Variants in TANC1 observed in about 807,000 individuals in gnomAD.
TANC1 encodes tetratricopeptide repeat, ankyrin repeat and coiled-coil containing 1.
TANC1 carries 77 observed loss-of-function variants against 149.7 expected under a neutral mutation model. The ratio of observed to expected loss-of-function variants is 0.51; its 90% CI spans 0.43 to 0.62. The LOEUF (loss-of-function observed/expected upper bound fraction) is 0.62. Among genes scored for constraint, TANC1 ranks in the 20% least tolerant of loss-of-function variants. TANC1 has a pLI of 0.00. For missense variants in TANC1, 1,985 were observed against 2,321.8 expected (o/e 0.85, Z 2.98); for synonymous variants, 854 against 925.0 (o/e 0.92, Z 1.39).
chr2:159,221,825 C>G (rs962042696), intron 22 of TANC1, among the ~76,000 whole-genome samples: 5 of 152,156 alleles, frequency 3.3e-5, no homozygotes, highest in Non-Finnish European at 7.4e-5. Context: ...GGAATAAAAC[C>G]TTGATAAACT....
At chr2:159,217,193 C>G (rs1332719835) in intron 19 of TANC1, among the ~76,000 whole-genome samples, 1 of 152,172 alleles carries the variant, frequency 6.6e-6, no homozygotes, top group Non-Finnish European at 1.5e-5. Flanking sequence ...GGCCTCAGTT[C>G]TTCTCTCTGT....
rs1574679612 is a variant in TANC1, at chr2:159,103,209, T to C, written c.259+5375T>C. Among the ~76,000 whole-genome samples the C allele has an allele frequency of 3.1e-5, 3 of 95,838 alleles. 1 individual carries two copies. The highest frequency in any genetic ancestry group is 2.3e-4 in the East Asian group (1 of 4,278). The allele number at this position is 95,838 out of a possible 152,430, so 62.9% of individuals were successfully genotyped here. The stretch of plus-strand genomic sequence containing the variant: ...TTTAGAACTTCCAACAGGAATACTT[T>C]TGTCCAGTGATATTTACAAACATCT... On this transcript the variant is annotated intron_variant, in intron 4 of 26. Transcript: ENST00000263635.
intron 2 of TANC1, among the ~76,000 whole-genome samples, chr2:159,025,197 C>CTTTCT (rs1473780062): frequency 7.9e-6 from 1 of 126,050 alleles, no homozygotes; most frequent in East Asian, 2.1e-4. Flanking sequence ...TCTTTTCTTT[C>CTTTCT]TTTCTTTCTT....
At chr2:159,140,815 C>T (rs1056844313) in intron 5 of TANC1, among the ~76,000 whole-genome samples, 3 of 151,650 alleles carry the variant, frequency 2.0e-5, no homozygotes, top group African/African-American at 7.3e-5. Flanking sequence ...CTCAGCCTCC[C>T]GAGTAGCTGG....
intron 16 of TANC1, 58 bp from the exon 17 acceptor site, chr2:159,194,199 C>G: frequency 2.8e-6 from 4 of 1,427,044 alleles, no homozygotes; most frequent in African/African-American, 1.4e-5. Flanking sequence ...CTGCCCATTT[C>G]CAGAAATGTT....
intron 16 of TANC1, 137 bp from the exon 17 acceptor site, chr2:159,194,120 C>T: frequency 1.4e-6 from 1 of 704,974 alleles, no homozygotes; most frequent in Non-Finnish European, 2.6e-6. Context: ...TAATATATTC[C>T]CAGGTGATAC....
chr2:159,069,023 G>T (rs984126997), intron 3 of TANC1, among the ~76,000 whole-genome samples: 5 of 152,160 alleles, frequency 3.3e-5, no homozygotes, highest in Non-Finnish European at 7.3e-5. Context: ...TTACAAATAT[G>T]AGCCACTGCG....
chr2:159,077,667 T>A (rs1463745786), intron 3 of TANC1, among the ~76,000 whole-genome samples: 3 of 152,230 alleles, frequency 2.0e-5, no homozygotes, highest in Non-Finnish European at 2.9e-5. Flanking sequence ...TATAGCCTTC[T>A]AAAAAGTAGC....
chr2:159,007,904 G>A (rs1258384952), intron 2 of TANC1, among the ~76,000 whole-genome samples: 2 of 152,220 alleles, frequency 1.3e-5, no homozygotes, highest in African/African-American at 4.8e-5. Context: ...CAGGTGCAGA[G>A]CCTAAAGTGG....
chr2:158,995,938 T>C (rs548717513), intron 1 of TANC1, among the ~76,000 whole-genome samples: 1 of 152,220 alleles, frequency 6.6e-6, no homozygotes, highest in Non-Finnish European at 1.5e-5. Context: ...CCACAGAAAC[T>C]GATTCTGTTT....
intron 4 of TANC1, among the ~76,000 whole-genome samples, chr2:159,126,153 C>T (rs894007121): frequency 6.6e-6 from 1 of 152,156 alleles, no homozygotes; most frequent in Non-Finnish European, 1.5e-5. Context: ...TCTGCAGAGT[C>T]CCTACATGGT....
chr2:158,990,356 G>A (rs1160434290), intron 1 of TANC1, among the ~76,000 whole-genome samples: 1 of 152,192 alleles, frequency 6.6e-6, no homozygotes, highest in African/African-American at 2.4e-5. Flanking sequence ...GAACTAAATT[G>A]TATCAAACTG....
chr2:159,125,223 C>T (rs1396502040), intron 4 of TANC1, among the ~76,000 whole-genome samples: 3 of 152,202 alleles, frequency 2.0e-5, no homozygotes, highest in African/African-American at 4.8e-5. Context: ...CTGCTTTATA[C>T]GCCTGGTGAG....
At chr2:159,217,880 C>T (rs887342281) in intron 20 of TANC1, among the ~76,000 whole-genome samples, 4 of 152,190 alleles carry the variant, frequency 2.6e-5, no homozygotes, top group African/African-American at 9.6e-5. Flanking sequence ...CTGCCTTCAG[C>T]TGTGGAGGGA....
In TANC1 at chr2:159,170,620, A is replaced by T; in HGVS notation, c.1166A>T (p.Asp389Val). The change falls in exon 10 of 27, where the codon GAT (aspartate) becomes GTT (valine). Residue 389 changes from aspartate to valine, a missense_variant. Around this residue, in one of 3 missense-constraint regions of TANC1, gnomAD observed 557 missense variants for 612.9 expected, o/e 0.91. Coordinates refer to ENST00000263635, the MANE Select transcript of TANC1 (RefSeq NM_033394.3). ...ACAGACTCTGTGTTTGTGGGAAGGG[A>T]TTGGCTCTTTCACCAGATAGAAGAA... is the stretch of plus-strand genomic sequence containing the variant. ...ITTDSVFVGR[D>V]WLFHQIEENL... The T allele has an allele frequency of 6.2e-7, 1 of 1,614,160 alleles. No homozygotes were observed. The highest frequency in any genetic ancestry group is 8.5e-7 in the Non-Finnish European group (1 of 1,180,032).
intron 2 of TANC1, among the ~76,000 whole-genome samples, chr2:159,050,770 TC>T (rs1315645184): frequency 6.6e-6 from 1 of 152,248 alleles, no homozygotes; most frequent in Admixed American, 6.5e-5. Context: ...GTAAAGGTCT[TC>T]CATTTGTATC....
intron 4 of TANC1, among the ~76,000 whole-genome samples, chr2:159,104,981 CTTTTTTTTTTTTTT>C (rs146778655): frequency 1.7e-3 from 72 of 43,376 alleles, no homozygotes; most frequent in African/African-American, 4.9e-3. Context: ...TGGATATTTG[CTTTTTTTTTTTTTT>C]TTTTTTTTTT....
chr2:159,159,828 C>G (rs2053861215), intron 7 of TANC1, among the ~76,000 whole-genome samples: 2 of 151,596 alleles, frequency 1.3e-5, no homozygotes, highest in South Asian at 4.2e-4. Context: ...TCTGCCTCCT[C>G]TCATGGGATG....
Position 159,103,647 on chromosome 2 carries a change from G to GC in TANC1, c.259+5814dup, listed in dbSNP as rs1272575956. On this transcript the variant is annotated intron_variant, in intron 4 of 26. Coordinates refer to ENST00000263635, the MANE Select transcript of TANC1 (RefSeq NM_033394.3). ...TGGCTCCCAGTTTCAGCCGCCTGGT[G>GC]CGGATCCTAGAGATCATGGAGGTTC... Among the ~76,000 whole-genome samples the GC allele has an allele frequency of 2.1e-5, 2 of 96,796 alleles. 1 individual carries two copies. The highest frequency in any genetic ancestry group is 4.6e-4 in the East Asian group (2 of 4,334). The allele number at this position is 96,796 out of a possible 152,430, so 63.5% of individuals were successfully genotyped here.
Sources: gnomAD v4.1 joint callset for allele counts (sites outside exome capture counted in the v4.1 genomes callset) on GRCh38, gnomAD v4.1.1 for gene constraint, gnomAD v4.1.1 regional missense constraint, MANE v1.5 for transcripts, NCBI Gene and HGNC (gene_info 2026-07-23, HGNC 2026-07-21) for gene names.